Variants in GRIK5 observed in about 807,000 individuals in gnomAD.
The protein encoded by GRIK5 is glutamate receptor ionotropic, kainate 5.
A neutral mutation model predicts 97.4 loss-of-function variants in GRIK5; 43 were observed. That is an observed-to-expected ratio of 0.44 (90% CI 0.35 to 0.57). The LOEUF (loss-of-function observed/expected upper bound fraction) is 0.57, where lower values mean the gene tolerates loss of function less well. Ranked by LOEUF, GRIK5 falls within the 20% of genes least tolerant of loss-of-function variation. The probability of loss-of-function intolerance (pLI) is 0.01; values close to 1 mark genes in which losing one functional copy is unlikely to be tolerated. For missense variants in GRIK5, 1,015 were observed against 1,382.0 expected (o/e 0.73, Z 4.21); for synonymous variants, 580 against 583.5 (o/e 0.99, Z 0.09).
chr19:42,067,756 A>G (rs1021863847), intron 1 of GRIK5, among the ~76,000 whole-genome samples: 6 of 152,156 alleles, frequency 3.9e-5, no homozygotes, highest in Non-Finnish European at 5.9e-5. Flanking sequence ...ACAGCCCAAG[A>G]CGTAGGAACT....
In GRIK5 at chr19:42,002,072, G is replaced by T; in HGVS notation, c.2514+1260C>A. 1 of 689,676 alleles carries T rather than the reference G, an allele frequency of 1.4e-6. No individual in the cohort carries two copies. The allele number at this position is 689,676 out of a possible 1,614,324, so 42.7% of individuals were successfully genotyped here. ...ATTGAGAGTGACTGGCTGTGCCGAA[G>T]CCCACTGCTACCTCATATACATGAG... On this transcript the variant is annotated intron_variant, in intron 19 of 19. Coordinates refer to ENST00000593562, the MANE Select transcript of GRIK5 (RefSeq NM_002088.5). This position sits in a 1 kb window ranked among gnomAD's most constrained non-coding sequence, Gnocchi z 5.2.
At chr19:42,030,060 C>T (rs1019626750) in intron 12 of GRIK5, among the ~76,000 whole-genome samples, 16 of 152,274 alleles carry the variant, frequency 1.1e-4, no homozygotes, top group African/African-American at 3.8e-4. Flanking sequence ...TTTCTTTTTA[C>T]CCCTTAAGTT....
Position 42,065,552 on chromosome 19 carries a change from G to A in GRIK5, c.79+140C>T. 2 of 971,918 alleles carry A rather than the reference G, an allele frequency of 2.1e-6. No individual in the cohort carries two copies. Among genetic ancestry groups the A allele is most frequent in the Non-Finnish European group, 3.0e-6 (2 of 657,588 alleles). The allele number at this position is 971,918 out of a possible 1,614,324, so 60.2% of individuals were successfully genotyped here. ...CTAGGGGTCTGGACTCCTGGGTCCT[G>A]GGGGAAGGAGGAACTGGAGGCTGGG... On this transcript the variant is annotated intron_variant, in intron 2 of 19. Coordinates refer to ENST00000593562, the MANE Select transcript of GRIK5 (RefSeq NM_002088.5). The surrounding 1 kb of genome is among the most constrained non-coding windows in gnomAD (Gnocchi z 5.8).
At chr19:42,024,686 G>A (rs2146059472) in intron 12 of GRIK5, among the ~76,000 whole-genome samples, 1 of 152,260 alleles carries the variant, frequency 6.6e-6, no homozygotes, top group East Asian at 1.9e-4. Context: ...CAGCCTCTCT[G>A]ACTGGCATTC....
intron 11 of GRIK5, among the ~76,000 whole-genome samples, chr19:42,049,052 A>G (rs1445881736): frequency 6.6e-6 from 1 of 152,098 alleles, no homozygotes; most frequent in Non-Finnish European, 1.5e-5. Context: ...AAAAACAAAA[A>G]CAAAGAAAAA....
Position 42,062,427 on chromosome 19 carries a change from C to G in GRIK5, c.508+61G>C. 1 of 1,560,640 alleles carries G rather than the reference C, an allele frequency of 6.4e-7. No homozygotes were observed. Among genetic ancestry groups the G allele is most frequent in the South Asian group, 1.1e-5 (1 of 87,856 alleles). ...GGCAGTGAACCACTGTGTGGGACAC[C>G]AGATCTCTTGGGAAGGGGTGTCTGG... On this transcript the variant is annotated intron_variant, in intron 5 of 19. Transcript: ENST00000593562. This position sits in a 1 kb window ranked among gnomAD's most constrained non-coding sequence, Gnocchi z 5.3.
At chr19:42,063,848 G>A (rs567772681) in intron 3 of GRIK5, among the ~76,000 whole-genome samples, 19 of 152,306 alleles carry the variant, frequency 1.2e-4, no homozygotes, top group African/African-American at 4.3e-4. Flanking sequence ...AGTGACATGA[G>A]CTAATAAGTT....
At chr19:42,013,885 C>CA (rs1235261070) in intron 15 of GRIK5, among the ~76,000 whole-genome samples, 3 of 150,250 alleles carry the variant, frequency 2.0e-5, no homozygotes, top group African/African-American at 7.3e-5. Flanking sequence ...AAAATTTAGC[C>CA]GGGTGTGGCG....
In GRIK5 at chr19:42,022,173, G is replaced by A. The variant is rs1478676365; in HGVS notation, c.1587+68C>T. ...CCCATCTGAGGTCCTGGGGCTGTCT[G>A]GCTCCCACTCGCAGGCCCTGAGCCT... On this transcript the variant is annotated intron_variant, in intron 13 of 19. Transcript: ENST00000593562. The surrounding 1 kb of genome is among the most constrained non-coding windows in gnomAD (Gnocchi z 4.2). 2.1e-6 allele frequency: 3 copies of A among 1,437,978 alleles called. No individual in the cohort carries two copies. Among genetic ancestry groups the A allele is most frequent in the Admixed American group, 3.5e-5 (2 of 57,622 alleles). The allele number at this position is 1,437,978 out of a possible 1,614,324, so 89.1% of individuals were successfully genotyped here.
At chr19:42,061,255 A>G (rs571564519) in intron 5 of GRIK5, among the ~76,000 whole-genome samples, 2 of 152,286 alleles carry the variant, frequency 1.3e-5, no homozygotes, top group South Asian at 2.1e-4. Context: ...CACCATTCAC[A>G]GGATGGTCTC....
At chr19:42,027,591 C>A (rs2075787778) in intron 12 of GRIK5, among the ~76,000 whole-genome samples, 1 of 152,172 alleles carries the variant, frequency 6.6e-6, no homozygotes, top group Admixed American at 6.5e-5. Context: ...CATTATCAGA[C>A]CACAGGCACA....
chr19:42,040,034 T>C (rs905441040), intron 12 of GRIK5, among the ~76,000 whole-genome samples: 1 of 151,530 alleles, frequency 6.6e-6, no homozygotes, highest in Non-Finnish European at 1.5e-5. Context: ...CACCAGGCCC[T>C]GTTCTAAGTT....
At chr19:42,045,607 G>A (rs2076033804) in intron 11 of GRIK5, among the ~76,000 whole-genome samples, 1 of 152,188 alleles carries the variant, frequency 6.6e-6, no homozygotes, top group Non-Finnish European at 1.5e-5. Context: ...TGGACTCCAG[G>A]ACCCCACAGA....
At chr19:42,041,725 C>T (rs1161514905) in intron 12 of GRIK5, among the ~76,000 whole-genome samples, 7 of 152,172 alleles carry the variant, frequency 4.6e-5, no homozygotes. Flanking sequence ...TCCCTAGTAT[C>T]GCCCCATCTT....
chr19:42,060,601 C>T (rs1185631520), intron 5 of GRIK5, among the ~76,000 whole-genome samples: 1 of 150,234 alleles, frequency 6.7e-6, no homozygotes, highest in African/African-American at 2.5e-5. Context: ...TTTAACCATC[C>T]AGCCCACAGC....
At chr19:42,019,975 G>T (rs551244592) in intron 15 of GRIK5, among the ~76,000 whole-genome samples, 1 of 149,104 alleles carries the variant, frequency 6.7e-6, no homozygotes, top group Non-Finnish European at 1.5e-5. Flanking sequence ...CTTTCATTGG[G>T]TTTTTTTGGG....
chr19:41,999,305 G>T lies in GRIK5; in HGVS notation c.2515-6C>A. ...ATCTCCTGGCACACCGACACCTGGG[G>T]GTGGCGCGGGCGGTCACCGTCCCGG... is the stretch of plus-strand genomic sequence containing the variant. On this transcript the variant is annotated splice_region_variant and splice_polypyrimidine_tract_variant and intron_variant, in intron 19 of 19. Coordinates refer to ENST00000593562, the MANE Select transcript of GRIK5 (RefSeq NM_002088.5). The surrounding 1 kb of genome is among the most constrained non-coding windows in gnomAD (Gnocchi z 5.0). 4 of 1,510,562 alleles carry T rather than the reference G, an allele frequency of 2.6e-6. No individual in the cohort carries two copies. The highest frequency in any genetic ancestry group is 8.8e-7 in the Non-Finnish European group (1 of 1,136,480). 93.6% of individuals were successfully genotyped at this position (1,510,562 alleles called of 1,614,324 possible).
intron 1 of GRIK5, among the ~76,000 whole-genome samples, chr19:42,067,986 G>A (rs1190760708): frequency 6.6e-6 from 1 of 152,228 alleles, no homozygotes; most frequent in Non-Finnish European, 1.5e-5. Flanking sequence ...AAGGCACACA[G>A]GGTGAGGGAG....
At chr19:42,059,565 G>C (rs1453410018) in intron 5 of GRIK5, 38 bp from the exon 6 acceptor site, 3 of 1,566,974 alleles carry the variant, frequency 1.9e-6, no homozygotes, top group African/African-American at 2.7e-5. Flanking sequence ...GAGCCCTTCT[G>C]GGTACCCAGG....
Sources: allele counts gnomAD v4.1 joint callset (sites outside exome capture counted in the v4.1 genomes callset), GRCh38; gene constraint gnomAD v4.1.1; non-coding constraint Gnocchi (gnomAD v3.1); transcripts MANE v1.5; gene names NCBI Gene and HGNC (gene_info 2026-07-23, HGNC 2026-07-21).